FHIP1B: variants seen among roughly 807,000 people sequenced by gnomAD.
FHIP1B encodes FHF complex subunit HOOK interacting protein 1B.
FHIP1B carries 28 observed loss-of-function variants against 82.2 expected under a neutral mutation model. That is an observed-to-expected ratio of 0.34 (90% CI 0.25 to 0.47). FHIP1B has a LOEUF of 0.47. Among genes scored for constraint, FHIP1B ranks in the 20% least tolerant of loss-of-function variants. FHIP1B has a pLI of 1.00. For synonymous variants in FHIP1B, 585 were observed against 516.1 expected (o/e 1.13, Z -1.81); for missense variants, 1,110 against 1,262.6 (o/e 0.88, Z 1.83).
intron 1 of FHIP1B, among the ~76,000 whole-genome samples, chr11:6,231,106 T>A (rs979000663): frequency 1.8e-4 from 27 of 152,162 alleles, no homozygotes; most frequent in Non-Finnish European, 3.2e-4. Context: ...AAAATTGTTT[T>A]AAAAAAATCA....
chr11:6,219,083 A>AT (rs1847334902), intron 6 of FHIP1B, 33 bp from the exon 7 acceptor site: 1 of 1,542,218 alleles, frequency 6.5e-7, no homozygotes, highest in Non-Finnish European at 8.9e-7. Flanking sequence ...GGGAGTCACC[A>AT]TAAGAGCTCT....
intron 9 of FHIP1B, chr11:6,215,170 G>T (rs765461584): frequency 2.8e-6 from 1 of 351,882 alleles, no homozygotes; most frequent in Admixed American, 4.7e-5. Flanking sequence ...GACTCTGAAA[G>T]ATCTGGTTTC....
intron 9 of FHIP1B, 169 bp downstream of exon 9, chr11:6,217,202 G>A (rs1383644376): frequency 2.8e-6 from 2 of 721,680 alleles, no homozygotes; most frequent in African/African-American, 1.7e-5. Context: ...ACAGACACAG[G>A]GACACAAGTA....
chr11:6,222,677 G>T, intron 5 of FHIP1B, 68 bp from the exon 6 acceptor site: 1 of 1,578,940 alleles, frequency 6.3e-7, no homozygotes, highest in South Asian at 1.1e-5. Flanking sequence ...ATTTTCCCTG[G>T]ATTCTAAGAG....
rs1443386634 is a variant in FHIP1B at position 6,222,586 on chromosome 11, G to A, written c.1047C>T (p.Ala349=). ...GGAAAAGTTCCAGATAGGCGGTACT[G>A]GCGATCATCTCCTCCACAGAGGTCT... The part of the protein sequence containing the change: ...LHKTSVEEMI[A]STAYLELFLR... Residue 349 remains alanine, a synonymous_variant, in exon 6 of 12, where the codon GCC becomes GCT. Transcript: ENST00000449352. 1 of 1,613,986 alleles carries A rather than the reference G, an allele frequency of 6.2e-7. No individual in the cohort carries two copies.
In FHIP1B at chr11:6,223,011, A is replaced by G; in HGVS notation, c.936+69T>C. The G allele has an allele frequency of 6.3e-7, 1 of 1,578,324 alleles. No homozygotes were observed. ...ACTTCCAAGATGGAAAAATGACAGA[A>G]CTCCAGGGAATATACCCCCTCCTAC... On this transcript the variant is annotated intron_variant, in intron 4 of 11. Transcript: ENST00000449352. This position sits in a 1 kb window ranked among gnomAD's most constrained non-coding sequence, Gnocchi z 4.8.
rs78584212 is a variant in FHIP1B, at chr11:6,232,356, T to C, written c.-192+2188A>G. On this transcript the variant is annotated intron_variant, in intron 1 of 11. Transcript: ENST00000449352. Reference sequence around the variant, plus strand: ...GTGATCCAGGTATTATATATACCTGTTCCAATGTCACTGCGACAGCATTAA... The same window carrying C: ...GTGATCCAGGTATTATATATACCTGCTCCAATGTCACTGCGACAGCATTAA... 8.3e-4 allele frequency among the ~76,000 whole-genome samples: 126 copies of C among 152,366 alleles called. 1 individual carries two copies. In the East Asian group the frequency reaches 0.016, roughly 20 times the overall value.
chr11:6,214,314 C>A lies in FHIP1B; in HGVS notation c.2557+97G>T, dbSNP rs555385920. The A allele has an allele frequency of 5.7e-6, 8 of 1,398,786 alleles. No homozygotes were observed. The South Asian group carries it at 9.8e-5, about 17-fold the overall frequency. 86.6% of individuals were successfully genotyped at this position (1,398,786 alleles called of 1,614,324 possible). On this transcript the variant is annotated intron_variant, in intron 11 of 11. Transcript: ENST00000449352. ...CTCAATTTTCTACAACTCACTAGGTCCTGGCACAACATTTCACTCTTAATA... is the reference window on the plus strand; with the variant it reads ...CTCAATTTTCTACAACTCACTAGGTACTGGCACAACATTTCACTCTTAATA...
chr11:6,233,239 C>T (rs1256033440), intron 1 of FHIP1B, among the ~76,000 whole-genome samples: 2 of 152,218 alleles, frequency 1.3e-5, no homozygotes, highest in Non-Finnish European at 2.9e-5. Flanking sequence ...AGGAAATGGT[C>T]TCTCCCTGTC....
Position 6,224,041 on chromosome 11 carries a change from A to G in FHIP1B, c.346T>C (p.Trp116Arg). Reference protein sequence around the residue: ...LTRVLTWQLQWDELGDGVEER... With the variant: ...LTRVLTWQLQRDELGDGVEER... ...TCGACCCCATCCCCAAGCTCATCCC[A>G]TTGCAGCTGCCATGTCAACACACGG... Residue 116 changes from tryptophan to arginine, a missense_variant, in exon 3 of 12, where the codon TGG becomes CGG. This residue lies in a region of FHIP1B where 467 missense variants were observed against 602.9 expected (regional missense o/e 0.77). Coordinates refer to ENST00000449352, the MANE Select transcript of FHIP1B (RefSeq NM_001098794.2). 1 of 1,613,522 alleles carries G rather than the reference A, an allele frequency of 6.2e-7. No individual in the cohort carries two copies. The highest frequency in any genetic ancestry group is 1.1e-5 in the South Asian group (1 of 90,986).
chr11:6,223,673 C>A lies in FHIP1B; in HGVS notation c.714G>T (p.Met238Ile), dbSNP rs766278689. ...QQARDALLLL[M>I]ALSAGSPTVG... ...CAGTGGGGCTCCCAGCTGACAAAGC[C>A]ATGAGAAGAAGTAGGGCATCACGGG... The change falls in exon 3 of 12, where the codon ATG (methionine) becomes ATT (isoleucine). Residue 238 changes from methionine to isoleucine, a missense_variant. Around this residue, in one of 6 missense-constraint regions of FHIP1B, gnomAD observed 467 missense variants for 602.9 expected, o/e 0.77. Coordinates refer to ENST00000449352, the MANE Select transcript of FHIP1B (RefSeq NM_001098794.2). The surrounding 1 kb of genome is among the most constrained non-coding windows in gnomAD (Gnocchi z 4.8). 2 of 1,613,080 alleles carry A rather than the reference C, an allele frequency of 1.2e-6. No individual in the cohort carries two copies. Among genetic ancestry groups the A allele is most frequent in the African/African-American group, 1.3e-5 (1 of 74,986 alleles).
chr11:6,218,450 C>A, intron 8 of FHIP1B, 150 bp downstream of exon 8: 1 of 1,245,814 alleles, frequency 8.0e-7, no homozygotes. Flanking sequence ...GTCCTCCCTG[C>A]AAGACACCCT....
intron 11 of FHIP1B, among the ~76,000 whole-genome samples, chr11:6,214,035 A>G (rs944818198): frequency 1.2e-4 from 6 of 49,126 alleles, no homozygotes; most frequent in Non-Finnish European, 1.9e-4. Context: ...ACCTCTCCTG[A>G]AAAAAAAAAA....
At chr11:6,230,925 A>G (rs907846208) in intron 1 of FHIP1B, among the ~76,000 whole-genome samples, 1 of 152,236 alleles carries the variant, frequency 6.6e-6, no homozygotes. Flanking sequence ...GTGGCACACG[A>G]GACTGGAGAG....
intron 1 of FHIP1B, among the ~76,000 whole-genome samples, chr11:6,230,469 C>T (rs951177285): frequency 6.6e-6 from 1 of 152,172 alleles, no homozygotes; most frequent in Non-Finnish European, 1.5e-5. Flanking sequence ...CAACCAAAAA[C>T]ACCACCTACT....
chr11:6,218,441 T>G, intron 8 of FHIP1B, 159 bp downstream of exon 8: 1 of 1,145,596 alleles, frequency 8.7e-7, no homozygotes. Flanking sequence ...GTGTTAAGGG[T>G]CCTCCCTGCA....
At chr11:6,221,511 G>T (rs1002487565) in intron 6 of FHIP1B, among the ~76,000 whole-genome samples, 1 of 151,956 alleles carries the variant, frequency 6.6e-6, no homozygotes, top group African/African-American at 2.4e-5. Context: ...CAAACTTCTT[G>T]CCATGGTCTT....
rs1351998881 is a variant in FHIP1B at position 6,223,018 on chromosome 11, G to A, written c.936+62C>T. The A allele has an allele frequency of 6.3e-7, 1 of 1,579,206 alleles. No homozygotes were observed. Among genetic ancestry groups the A allele is most frequent in the Non-Finnish European group, 8.6e-7 (1 of 1,158,374 alleles). On this transcript the variant is annotated intron_variant, in intron 4 of 11. Transcript: ENST00000449352. The surrounding 1 kb of genome is among the most constrained non-coding windows in gnomAD (Gnocchi z 4.8). ...AGATGGAAAAATGACAGAACTCCAG[G>A]GAATATACCCCCTCCTACCTAATCT...
At chr11:6,217,224 G>A (rs117326755) in intron 9 of FHIP1B, 147 bp downstream of exon 9, 594 of 743,608 alleles carry the variant, frequency 8.0e-4, no homozygotes, top group Non-Finnish European at 7.9e-4. Context: ...GACATGACAC[G>A]TATCTGGAAG....
Sources: allele counts gnomAD v4.1 joint callset (sites outside exome capture counted in the v4.1 genomes callset), GRCh38; gene constraint gnomAD v4.1.1; regional missense constraint gnomAD v4.1.1; non-coding constraint Gnocchi (gnomAD v3.1); transcripts MANE v1.5; gene names NCBI Gene and HGNC (gene_info 2026-07-23, HGNC 2026-07-21).